The following CCDC149 variants were observed in gnomAD, a reference collection of about 807,000 sequenced individuals.
CCDC149 encodes coiled-coil domain-containing protein 149.
In CCDC149, 45 loss-of-function variants were observed where a neutral mutation model predicts 59.9. The ratio of observed to expected loss-of-function variants is 0.75; its 90% CI spans 0.59 to 0.96. CCDC149 has a LOEUF of 0.96. Among genes scored for constraint, CCDC149 ranks in the 40% least tolerant of loss-of-function variants. The pLI, the probability that CCDC149 is intolerant of heterozygous loss-of-function variation, is 0.00. For missense variants in CCDC149, 584 were observed against 664.7 expected (o/e 0.88, Z 1.33); for synonymous variants, 245 against 260.6 (o/e 0.94, Z 0.58).
chr4:24,940,032 G>A (rs1016118698), intron 1 of CCDC149, among the ~76,000 whole-genome samples: 10 of 152,268 alleles, frequency 6.6e-5, no homozygotes, highest in East Asian at 1.9e-4. Context: ...TCAAATTCAG[G>A]AAATACAGAG....
At chr4:24,918,204 C>T (rs1377946344) in intron 1 of CCDC149, among the ~76,000 whole-genome samples, 1 of 152,066 alleles carries the variant, frequency 6.6e-6, no homozygotes, top group Non-Finnish European at 1.5e-5. Flanking sequence ...CTACTGTGTA[C>T]ACAGAAATTG....
At chr4:24,856,848 C>T (rs1387377830) in intron 3 of CCDC149, among the ~76,000 whole-genome samples, 1 of 152,222 alleles carries the variant, frequency 6.6e-6, no homozygotes, top group African/African-American at 2.4e-5. Flanking sequence ...TGGCAGCAAA[C>T]ATAATCCCTC....
chr4:24,816,588 A>G (rs1715027756), intron 12 of CCDC149, among the ~76,000 whole-genome samples: 1 of 152,198 alleles, frequency 6.6e-6, no homozygotes, highest in Admixed American at 6.5e-5. Flanking sequence ...GGATAGACAC[A>G]TAGCATTGCT....
chr4:24,907,068 T>C (rs1436460831), intron 1 of CCDC149, among the ~76,000 whole-genome samples: 1 of 152,232 alleles, frequency 6.6e-6, no homozygotes, highest in African/African-American at 2.4e-5. Flanking sequence ...ACATTTCCAC[T>C]ACTCAAACAA....
intron 1 of CCDC149, among the ~76,000 whole-genome samples, chr4:24,936,129 T>A (rs982921776): frequency 6.6e-6 from 1 of 151,674 alleles, no homozygotes; most frequent in Non-Finnish European, 1.5e-5. Flanking sequence ...TTCAGTGGAG[T>A]AGTAGGGAAA....
chr4:24,867,154 T>G (rs1249550680), intron 3 of CCDC149, among the ~76,000 whole-genome samples: 1 of 152,156 alleles, frequency 6.6e-6, no homozygotes, highest in Non-Finnish European at 1.5e-5. Flanking sequence ...ATTAAAAATA[T>G]CCAGTATTCA....
At chr4:24,907,849 G>T (rs1233871314) in intron 1 of CCDC149, among the ~76,000 whole-genome samples, 1 of 152,178 alleles carries the variant, frequency 6.6e-6, no homozygotes, top group African/African-American at 2.4e-5. Flanking sequence ...CTCTCAGGGA[G>T]GATTCTTCCT....
At chr4:24,845,698 C>G (rs749842227) in intron 4 of CCDC149, among the ~76,000 whole-genome samples, 1 of 152,204 alleles carries the variant, frequency 6.6e-6, no homozygotes, top group African/African-American at 2.4e-5. Flanking sequence ...CTAGACCAGT[C>G]TGTCCTCAAC....
intron 1 of CCDC149, among the ~76,000 whole-genome samples, chr4:24,954,988 A>G (rs765749231): frequency 6.6e-6 from 1 of 152,192 alleles, no homozygotes; most frequent in Non-Finnish European, 1.5e-5. Flanking sequence ...ACATTTTATT[A>G]TAAGTAGTTA....
chr4:24,947,139 C>G (rs6839584), intron 1 of CCDC149, among the ~76,000 whole-genome samples: 16,235 of 152,172 alleles, frequency 0.11, 1,026 homozygotes, highest in African/African-American at 0.17. Flanking sequence ...GAATTTTCAT[C>G]CTTGCTTTTT....
chr4:24,881,890 T>C (rs1719860948), intron 1 of CCDC149, among the ~76,000 whole-genome samples: 1 of 152,220 alleles, frequency 6.6e-6, no homozygotes, highest in South Asian at 2.1e-4. Flanking sequence ...AGTGTTTGCA[T>C]AATGTGCCAA....
intron 3 of CCDC149, among the ~76,000 whole-genome samples, chr4:24,863,998 C>G (rs1382288188): frequency 6.6e-6 from 1 of 151,714 alleles, no homozygotes. Context: ...GCGAGGGGCA[C>G]CCTTTCTGCA....
At chr4:24,902,900 C>T (rs1721250545) in intron 1 of CCDC149, among the ~76,000 whole-genome samples, 2 of 151,520 alleles carry the variant, frequency 1.3e-5, no homozygotes, top group Admixed American at 1.3e-4. Flanking sequence ...TGGCTCATGC[C>T]TGTAGTCTCA....
Position 24,837,097 on chromosome 4 carries a change from G to A in CCDC149, c.662+131C>T. The A allele has an allele frequency of 1.2e-6, 1 of 821,772 alleles. No homozygotes were observed. The highest frequency in any genetic ancestry group is 1.9e-5 in the South Asian group (1 of 53,502). The allele number at this position is 821,772 out of a possible 1,614,324, so 50.9% of individuals were successfully genotyped here. A position where few individuals can be genotyped will look rare whatever the true frequency, so the allele number is the denominator to read the frequency against. ...ACATGGCATTGATGTCATCATTTCG[G>A]GGGAGTGAGTTTCTTTTCACTTGTA... On this transcript the variant is annotated intron_variant, in intron 6 of 12. Coordinates refer to ENST00000635206, the MANE Select transcript of CCDC149 (RefSeq NM_001330643.2). This position sits in a 1 kb window ranked among gnomAD's most constrained non-coding sequence, Gnocchi z 4.3.
At chr4:24,913,771 C>A (rs1431319372), upstream of CCDC149, among the ~76,000 whole-genome samples, 1 of 152,158 alleles carries the variant, frequency 6.6e-6, no homozygotes, top group Non-Finnish European at 1.5e-5. Context: ...AAGTGACACA[C>A]CCCCTCTTTA....
chr4:24,882,462 T>A (rs1719907331), intron 1 of CCDC149, among the ~76,000 whole-genome samples: 2 of 152,180 alleles, frequency 1.3e-5, no homozygotes, highest in African/African-American at 4.8e-5. Flanking sequence ...ATTGGGACCC[T>A]CATGGGATAA....
In CCDC149 at chr4:24,808,360, T is replaced by C; in HGVS notation, c.*29A>G. 1 of 1,435,302 alleles carries C rather than the reference T, an allele frequency of 7.0e-7. No individual in the cohort carries two copies. The highest frequency in any genetic ancestry group is 1.6e-5 in the South Asian group (1 of 62,184). The allele number at this position is 1,435,302 out of a possible 1,614,324, so 88.9% of individuals were successfully genotyped here. ...TCTTGACCCTCTCTGGGGCTTTCAA[T>C]GTGTCATTGTGTCAGATCCCTCTCC... is the stretch of plus-strand genomic sequence containing the variant. On this transcript the variant is annotated 3_prime_UTR_variant, in exon 13 of 13. Coordinates refer to ENST00000635206, the MANE Select transcript of CCDC149 (RefSeq NM_001330643.2).
chr4:24,937,926 A>G (rs1722830343), intron 1 of CCDC149, among the ~76,000 whole-genome samples: 1 of 151,988 alleles, frequency 6.6e-6, no homozygotes, highest in South Asian at 2.1e-4. Context: ...GCTGCTCCTT[A>G]TGGATGATAT....
At chr4:24,839,305 G>A (rs557485579) in intron 4 of CCDC149, among the ~76,000 whole-genome samples, 9 of 150,996 alleles carry the variant, frequency 6.0e-5, no homozygotes, top group East Asian at 3.9e-4. Flanking sequence ...TCAGCCTCCC[G>A]AGTAGCTGGG....
Sources: gnomAD v4.1 joint callset for allele counts (sites outside exome capture counted in the v4.1 genomes callset) on GRCh38, gnomAD v4.1.1 for gene constraint, Gnocchi (gnomAD v3.1) non-coding constraint, MANE v1.5 for transcripts, NCBI Gene and HGNC (gene_info 2026-07-23, HGNC 2026-07-21) for gene names.